AAMDC: variants seen among roughly 807,000 people sequenced by gnomAD.
AAMDC encodes mth938 domain-containing protein.
A neutral mutation model predicts 15.5 loss-of-function variants in AAMDC; 16 were observed. That is an observed-to-expected ratio of 1.03 (90% CI 0.70 to 1.57). The LOEUF (loss-of-function observed/expected upper bound fraction) is 1.57, where lower values mean the gene tolerates loss of function less well. Among genes scored for constraint, AAMDC ranks in the 40% most tolerant of loss-of-function variants. The probability of loss-of-function intolerance (pLI) is 0.00; values close to 1 mark genes in which losing one functional copy is unlikely to be tolerated. For synonymous variants in AAMDC, 51 were observed against 51.6 expected, an observed-to-expected ratio of 0.99 and a Z score of 0.05; for missense variants, 141 against 144.9, an observed-to-expected ratio of 0.97 and a Z score of 0.14.
chr11:77,839,991 A>G (rs955013716), intron 1 of AAMDC, among the ~76,000 whole-genome samples: 4 of 152,174 alleles, frequency 2.6e-5, no homozygotes, highest in Non-Finnish European at 5.9e-5. Context: ...TGTTACATGC[A>G]TATAACAATT....
downstream of AAMDC, among the ~76,000 whole-genome samples, chr11:77,874,164 C>T (rs1000663100): frequency 3.9e-5 from 6 of 152,178 alleles, no homozygotes; most frequent in Non-Finnish European, 5.9e-5. Context: ...CTCCTTGCTC[C>T]CTAGAAGCAG....
chr11:77,884,853 C>A, intron 5 of AAMDC: 2 of 364,964 alleles, frequency 5.5e-6, no homozygotes, highest in South Asian at 2.1e-5. Context: ...CTCCTGGGCG[C>A]AAGTGATCTT....
chr11:77,834,738 T>C (rs1019589600), intron 1 of AAMDC, among the ~76,000 whole-genome samples: 4 of 152,124 alleles, frequency 2.6e-5, no homozygotes, highest in African/African-American at 9.7e-5. Context: ...TTAAGGGTAA[T>C]TCAAATGGCT....
At chr11:77,883,767 C>T (rs944464979) in intron 5 of AAMDC, 24 of 1,544,740 alleles carry the variant, frequency 1.6e-5, no homozygotes, top group African/African-American at 1.4e-4. Flanking sequence ...AAAAACCAAA[C>T]GCTTAAGGGT....
At chr11:77,850,015 G>T (rs1217133561) in intron 2 of AAMDC, among the ~76,000 whole-genome samples, 3 of 152,162 alleles carry the variant, frequency 2.0e-5, no homozygotes, top group Non-Finnish European at 1.5e-5. Context: ...AGGTTAGCAA[G>T]AACTATGCAT....
chr11:77,822,559 AT>A (rs1476886773), intron 1 of AAMDC, among the ~76,000 whole-genome samples: 1 of 152,096 alleles, frequency 6.6e-6, no homozygotes, highest in East Asian at 1.9e-4. Flanking sequence ...CAAACACCGA[AT>A]TTTTTTCTTC....
chr11:77,900,385 C>T (rs577730540), intron 5 of AAMDC, among the ~76,000 whole-genome samples: 1 of 152,158 alleles, frequency 6.6e-6, no homozygotes, highest in African/African-American at 2.4e-5. Flanking sequence ...AGGTGTGAGC[C>T]ACCACACCCG....
At chr11:77,873,696 A>C (rs1255306694), downstream of AAMDC, among the ~76,000 whole-genome samples, 1 of 152,240 alleles carries the variant, frequency 6.6e-6, no homozygotes. Context: ...TGGTGGCACA[A>C]AGAAAAGACT....
chr11:77,831,934 T>C (rs1443530962), intron 1 of AAMDC: 4 of 143,642 alleles, frequency 2.8e-5, no homozygotes, highest in Middle Eastern at 3.5e-3. Flanking sequence ...GGTCTTGAAC[T>C]CCTGACCTCA....
At chr11:77,883,970 T>C (rs762992777) in intron 5 of AAMDC, 8 of 1,610,154 alleles carry the variant, frequency 5.0e-6, no homozygotes, top group African/African-American at 1.3e-5. Flanking sequence ...GTGACAGAAA[T>C]GAGAAAAAGG....
chr11:77,865,967 G>A (rs1951090332), intron 2 of AAMDC, among the ~76,000 whole-genome samples: 1 of 152,158 alleles, frequency 6.6e-6, no homozygotes, highest in Non-Finnish European at 1.5e-5. Flanking sequence ...ATTCAGACAA[G>A]CAATAATGAG....
chr11:77,839,289 G>A (rs1949824585), intron 1 of AAMDC, among the ~76,000 whole-genome samples: 1 of 152,092 alleles, frequency 6.6e-6, no homozygotes, highest in African/African-American at 2.4e-5. Flanking sequence ...TAGGTGCAAA[G>A]CCAACACACT....
At chr11:77,830,305 T>C (rs1451425097) in intron 1 of AAMDC, among the ~76,000 whole-genome samples, 1 of 152,150 alleles carries the variant, frequency 6.6e-6, no homozygotes, top group Non-Finnish European at 1.5e-5. Flanking sequence ...AAACTGTTTA[T>C]CATGAATGCA....
chr11:77,874,025 G>A (rs1471671234), downstream of AAMDC, among the ~76,000 whole-genome samples: 1 of 152,236 alleles, frequency 6.6e-6, no homozygotes, highest in Admixed American at 6.5e-5. Flanking sequence ...AACTTAAGAT[G>A]TGGCTTGGCA....
chr11:77,852,322 A>G lies in AAMDC; in HGVS notation c.132+9694A>G, dbSNP rs548381645. On this transcript the variant is annotated intron_variant, in intron 2 of 3. Coordinates refer to ENST00000393427, the MANE Select transcript of AAMDC (RefSeq NM_024684.4). ...TCATTTTTAATGTTGTCAATTTGAC[A>G]TACGGAATTTGGTTTATTTGTTTCT... is the stretch of plus-strand genomic sequence containing the variant. Among the ~76,000 whole-genome samples the G allele has an allele frequency of 2.8e-4, 43 of 152,048 alleles. No individual in the cohort carries two copies. In the South Asian group the frequency reaches 7.3e-3, roughly 26 times the overall value.
chr11:77,828,564 G>A (rs760118542), intron 1 of AAMDC, among the ~76,000 whole-genome samples: 10 of 151,736 alleles, frequency 6.6e-5, no homozygotes, highest in African/African-American at 1.2e-4. Flanking sequence ...CCAGCTACTC[G>A]GGAGGCTGCG....
chr11:77,825,605 G>T (rs1234823315), intron 1 of AAMDC, among the ~76,000 whole-genome samples: 1 of 151,820 alleles, frequency 6.6e-6, no homozygotes, highest in Admixed American at 6.6e-5. Flanking sequence ...CCATTTTCTG[G>T]ATATTTGTCT....
chr11:77,875,418 AG>A (rs1171015876), downstream of AAMDC, among the ~76,000 whole-genome samples: 3 of 152,232 alleles, frequency 2.0e-5, no homozygotes, highest in Non-Finnish European at 4.4e-5. Context: ...GTAGTTACCA[AG>A]GTTTTTTAAC....
chr11:77,876,464 C>T (rs1667003302), downstream of AAMDC, among the ~76,000 whole-genome samples: 2 of 151,192 alleles, frequency 1.3e-5, no homozygotes. Flanking sequence ...CTAAAATTCT[C>T]ATGTTCCCCA....
Sources: gnomAD v4.1 joint callset for allele counts (sites outside exome capture counted in the v4.1 genomes callset) on GRCh38, gnomAD v4.1.1 for gene constraint, MANE v1.5 for transcripts, NCBI Gene and HGNC (gene_info 2026-07-23, HGNC 2026-07-21) for gene names.